CPSF2: variants seen among roughly 807,000 people sequenced by gnomAD.
The protein encoded by CPSF2 is cleavage and polyadenylation specificity factor subunit 2.
A neutral mutation model predicts 84.2 loss-of-function variants in CPSF2; 51 were observed. The observed-to-expected ratio is 0.61, with a 90% CI of 0.48 to 0.77. CPSF2 has a LOEUF of 0.77. Among genes scored for constraint, CPSF2 ranks in the 30% least tolerant of loss-of-function variants. The probability of loss-of-function intolerance (pLI) is 0.00; values close to 1 mark genes in which losing one functional copy is unlikely to be tolerated. For missense variants in CPSF2, 641 were observed against 929.4 expected, an observed-to-expected ratio of 0.69 and a Z score of 4.03; for synonymous variants, 286 against 311.9, an observed-to-expected ratio of 0.92 and a Z score of 0.87.
At chr14:92,135,342 G>C in intron 5 of CPSF2, 25 bp from the exon 6 acceptor site, 1 of 1,575,130 alleles carries the variant, frequency 6.3e-7, no homozygotes, top group Non-Finnish European at 8.6e-7. Flanking sequence ...AAAGAAATCT[G>C]AGTATTGTTA....
intron 3 of CPSF2, 94 bp from the exon 4 acceptor site, chr14:92,133,917 A>G (rs986921353): frequency 1.6e-6 from 2 of 1,272,634 alleles, no homozygotes; most frequent in East Asian, 4.6e-5. Context: ...GCCCCAGTGT[A>G]GTCTTCAATC....
Position 92,148,593 on chromosome 14 carries a change from A to G in CPSF2, c.1140+5299A>G, listed in dbSNP as rs560239222. 1.1e-4 allele frequency among the ~76,000 whole-genome samples: 17 copies of G among 151,792 alleles called. No homozygotes were observed. The South Asian group carries it at 3.3e-3, about 30-fold the overall frequency. ...AACTGTTGACATTTTTGAAGCATAT[A>G]TATTCTGGGTTTTTTTTTTCTTATT... On this transcript the variant is annotated intron_variant, in intron 9 of 15. Transcript: ENST00000298875.
chr14:92,140,689 C>T (rs915211054), intron 7 of CPSF2, among the ~76,000 whole-genome samples: 4 of 146,994 alleles, frequency 2.7e-5, no homozygotes, highest in Admixed American at 2.1e-4. Flanking sequence ...GCCTTGGCCT[C>T]CCAAAGTGCT....
At position 92,134,076 on chromosome 14, in the gene CPSF2, C is replaced by A. The variant is rs372145276; in HGVS notation, c.215C>A (p.Pro72Gln). The part of the protein sequence containing the change: ...HPDPLHLGAL[P>Q]YAVGKLGLNC... ...GATCCTCTCCACCTTGGTGCCCTCC[C>A]GTATGCTGTCGGAAAGTTGGGTCTG... Residue 72 changes from proline (P) to glutamine (Q), a missense_variant, in exon 4 of 16, where the codon CCG becomes CAG. Physicochemically the swap from Pro to Gln is moderately conservative, Grantham distance 76. Around this residue, in one of 2 missense-constraint regions of CPSF2, gnomAD observed 211 missense variants for 375.7 expected, o/e 0.56. Transcript: ENST00000298875. 1 of 1,614,128 alleles carries A rather than the reference C, an allele frequency of 6.2e-7. No homozygotes were observed. The highest frequency in any genetic ancestry group is 8.5e-7 in the Non-Finnish European group (1 of 1,179,990).
In CPSF2 at chr14:92,169,053, C is replaced by G. The variant is rs2069485507; in HGVS notation, c.*7309C>G. The G allele has an allele frequency of 6.6e-6, 1 of 152,048 alleles. No homozygotes were observed. Among genetic ancestry groups the G allele is most frequent in the African/African-American group, 2.4e-5 (1 of 41,402 alleles). 9.4% of individuals were successfully genotyped at this position (152,048 alleles called of 1,614,324 possible). ...ATGTTGACTTTAATATCCAATGTAT[C>G]ATAGGTGTTTTCTTTTTTCTCTGAC... is the stretch of plus-strand genomic sequence containing the variant. On this transcript the variant is annotated 3_prime_UTR_variant, in exon 16 of 16. Coordinates refer to ENST00000298875, the MANE Select transcript of CPSF2 (RefSeq NM_017437.3).
At position 92,138,380 on chromosome 14, in the gene CPSF2, T is replaced by A. The variant is rs2069028138; in HGVS notation, c.661+33T>A. 3 of 1,133,580 alleles carry A rather than the reference T, an allele frequency of 2.6e-6. No homozygotes were observed. In the South Asian group the frequency reaches 5.0e-5, roughly 19 times the overall value. The allele number at this position is 1,133,580 out of a possible 1,614,324, so 70.2% of individuals were successfully genotyped here. On this transcript the variant is annotated intron_variant, in intron 7 of 15. Coordinates refer to ENST00000298875, the MANE Select transcript of CPSF2 (RefSeq NM_017437.3). ...TTCTTTCACGTCCTTATTATTATTA[T>A]TATTTTGTAACTTTTTGTATATTTA...
At chr14:92,132,126 C>A (rs2068939886) in intron 3 of CPSF2, among the ~76,000 whole-genome samples, 1 of 151,844 alleles carries the variant, frequency 6.6e-6, no homozygotes, top group Non-Finnish European at 1.5e-5. Context: ...TTCTGAAATT[C>A]TTCTCTTTTA....
rs746715184 is a variant in CPSF2 at position 92,159,170 on chromosome 14, C to G, written c.2009C>G (p.Ser670Cys). Residue 670 changes from serine (S) to cysteine (C), a missense_variant, in exon 14 of 16, where the codon TCT becomes TGT. This residue lies in a region of CPSF2 where 430 missense variants were observed against 553.6 expected (regional missense o/e 0.78). Coordinates refer to ENST00000298875, the MANE Select transcript of CPSF2 (RefSeq NM_017437.3). ...ATGCAAGTGGAAGCTCCCTCAGATT[C>G]TAGCGTTATAGCACAACAAAAGGCC... is the stretch of plus-strand genomic sequence containing the variant. Reference protein sequence around the residue: ...SEMQVEAPSDSSVIAQQKAMK... With the variant: ...SEMQVEAPSDCSVIAQQKAMK... 6.2e-7 allele frequency: 1 copy of G among 1,614,038 alleles called. No homozygotes were observed. The highest frequency in any genetic ancestry group is 1.1e-5 in the South Asian group (1 of 91,080).
intron 1 of CPSF2, among the ~76,000 whole-genome samples, chr14:92,125,751 G>T (rs2141448074): frequency 6.6e-6 from 1 of 151,442 alleles, no homozygotes. Context: ...AAAGTGTAGA[G>T]ATCTGAGATG....
chr14:92,132,672 T>C (rs920832865), intron 3 of CPSF2, among the ~76,000 whole-genome samples: 1 of 151,436 alleles, frequency 6.6e-6, no homozygotes, highest in African/African-American at 2.4e-5. Context: ...CTCAGGAGGC[T>C]GAGGCAGGAG....
intron 1 of CPSF2, among the ~76,000 whole-genome samples, chr14:92,124,307 T>TCC (rs2068818541): frequency 6.6e-6 from 1 of 152,132 alleles, no homozygotes; most frequent in Non-Finnish European, 1.5e-5. Flanking sequence ...CTCTGACAGC[T>TCC]ATATGGAGGA....
chr14:92,163,194 A>G lies in CPSF2; in HGVS notation c.*1450A>G, dbSNP rs933260997. 6.6e-6 allele frequency: 1 copy of G among 152,176 alleles called. No homozygotes were observed. Among genetic ancestry groups the G allele is most frequent in the Non-Finnish European group, 1.5e-5 (1 of 68,034 alleles). 9.4% of individuals were successfully genotyped at this position (152,176 alleles called of 1,614,324 possible). A position where few individuals can be genotyped will look rare whatever the true frequency, so the allele number is the denominator to read the frequency against. The stretch of plus-strand genomic sequence containing the variant: ...GCTGGGATTACAGGCATGAATCACC[A>G]CAACTAGCCTACCCTTAGATTTTTG... On this transcript the variant is annotated 3_prime_UTR_variant, in exon 16 of 16. Transcript: ENST00000298875.
At chr14:92,123,023 C>A (rs2068797030) in intron 1 of CPSF2, among the ~76,000 whole-genome samples, 1 of 151,958 alleles carries the variant, frequency 6.6e-6, no homozygotes, top group African/African-American at 2.4e-5. Context: ...CCTCAACTGA[C>A]CGAGAAGAGC....
chr14:92,126,393 G>C (rs1012510558), intron 2 of CPSF2, among the ~76,000 whole-genome samples: 6 of 152,162 alleles, frequency 3.9e-5, no homozygotes, highest in African/African-American at 1.4e-4. Context: ...GTTTCCCTTA[G>C]GCCATTAATA....
rs889373269 is a variant in CPSF2 at position 92,162,197 on chromosome 14, C to T, written c.*453C>T. On this transcript the variant is annotated 3_prime_UTR_variant, in exon 16 of 16. Transcript: ENST00000298875. The stretch of plus-strand genomic sequence containing the variant: ...AAACAAAACTGATAAAACAGTTTTT[C>T]GAAACTTACTTTTAAAAGCATACGT... The T allele has an allele frequency of 1.3e-4, 20 of 151,920 alleles. No individual in the cohort carries two copies. Among genetic ancestry groups the T allele is most frequent in the African/African-American group, 4.4e-4 (18 of 41,248 alleles). The allele number at this position is 151,920 out of a possible 1,614,324, so 9.4% of individuals were successfully genotyped here.
intron 3 of CPSF2, among the ~76,000 whole-genome samples, chr14:92,133,578 C>A (rs2068961621): frequency 1.3e-5 from 2 of 151,976 alleles, no homozygotes. Context: ...TCCCATGTCA[C>A]CCCTCAAGTA....
At chr14:92,133,691 C>G (rs751020559) in intron 3 of CPSF2, among the ~76,000 whole-genome samples, 40 of 150,848 alleles carry the variant, frequency 2.7e-4, no homozygotes, top group Admixed American at 6.0e-4. Flanking sequence ...ATCTTGAACT[C>G]CTGAGCTCAA....
intron 7 of CPSF2, among the ~76,000 whole-genome samples, chr14:92,139,830 C>T (rs2069051414): frequency 6.6e-6 from 1 of 151,952 alleles, no homozygotes; most frequent in African/African-American, 2.4e-5. Context: ...TAAACCACTG[C>T]ACCTGGCCTT....
Position 92,167,020 on chromosome 14 carries a change from T to TTC in CPSF2, c.*5277_*5278insCT, listed in dbSNP as rs2069457393. On this transcript the variant is annotated 3_prime_UTR_variant, in exon 16 of 16. Transcript: ENST00000298875. The stretch of plus-strand genomic sequence containing the variant: ...TTATCGATTTCTTTTTTTTCTTTTT[T>TTC]TTTTTTTTTGAGATAGCATCTTGCT... 1 of 150,354 alleles carries TTC rather than the reference T, an allele frequency of 6.7e-6. No individual in the cohort carries two copies. The highest frequency in any genetic ancestry group is 1.5e-5 in the Non-Finnish European group (1 of 67,604). The allele number at this position is 150,354 out of a possible 1,614,324, so 9.3% of individuals were successfully genotyped here.
Sources: gnomAD v4.1 joint callset for allele counts (sites outside exome capture counted in the v4.1 genomes callset) on GRCh38, gnomAD v4.1.1 for gene constraint, gnomAD v4.1.1 regional missense constraint, MANE v1.5 for transcripts, NCBI Gene and HGNC (gene_info 2026-07-23, HGNC 2026-07-21) for gene names.